MYO10: variants seen among roughly 807,000 people sequenced by gnomAD.
MYO10 encodes the protein myosin X, also known as unconventional myosin-X.
Under a neutral mutation model 257.3 loss-of-function variants are expected in MYO10, and 133 were observed. That is an observed-to-expected ratio of 0.52 (90% CI 0.45 to 0.60). The LOEUF is 0.60. Ranked by LOEUF, MYO10 falls within the 20% of genes least tolerant of loss-of-function variation. The probability of loss-of-function intolerance (pLI) is 0.00; values close to 1 mark genes in which losing one functional copy is unlikely to be tolerated. For synonymous variants in MYO10, 1,104 were observed against 1,028.6 expected, an observed-to-expected ratio of 1.07 and a Z score of -1.40; for missense variants, 2,399 against 2,635.7, an observed-to-expected ratio of 0.91 and a Z score of 1.97.
intron 22 of MYO10, among the ~76,000 whole-genome samples, chr5:16,703,416 G>A (rs963982279): frequency 6.6e-6 from 1 of 152,182 alleles, no homozygotes; most frequent in African/African-American, 2.4e-5. Context: ...CCTCATGTTG[G>A]CTTTAAGTAG....
intron 28 of MYO10, among the ~76,000 whole-genome samples, chr5:16,688,807 C>A (rs1241343646): frequency 1.3e-5 from 2 of 151,912 alleles, no homozygotes; most frequent in African/African-American, 4.8e-5. Flanking sequence ...CATAACCCTG[C>A]AGACTCACAA....
chr5:16,869,161 A>T (rs1342236369), intron 2 of MYO10, among the ~76,000 whole-genome samples: 1 of 149,166 alleles, frequency 6.7e-6, no homozygotes. Context: ...AGTAGCTGGG[A>T]CTACAGGCAC....
At chr5:16,742,668 A>C (rs201909935) in intron 19 of MYO10, among the ~76,000 whole-genome samples, 1 of 151,964 alleles carries the variant, frequency 6.6e-6, no homozygotes, top group East Asian at 1.9e-4. Context: ...AAAATTAGCC[A>C]GGCATGGTGG....
At position 16,789,468 on chromosome 5, in the gene MYO10, T is replaced by A. The variant is rs545817354; in HGVS notation, c.467+5178A>T. 3.3e-5 allele frequency among the ~76,000 whole-genome samples: 5 copies of A among 152,302 alleles called. No individual in the cohort carries two copies. In the East Asian group the frequency reaches 9.7e-4, roughly 29 times the overall value. ...CTTAGCAAGCCAAACAAAGCCCTTTTGTTTGGAAGCTGTACCAGAAAGTAG... is the reference window on the plus strand; with the variant it reads ...CTTAGCAAGCCAAACAAAGCCCTTTAGTTTGGAAGCTGTACCAGAAAGTAG... On this transcript the variant is annotated intron_variant, in intron 4 of 40. Coordinates refer to ENST00000513610, the MANE Select transcript of MYO10 (RefSeq NM_012334.3).
intron 19 of MYO10, among the ~76,000 whole-genome samples, chr5:16,734,008 C>T (rs372963627): frequency 5.0e-4 from 76 of 152,004 alleles, no homozygotes; most frequent in African/African-American, 1.8e-3. Flanking sequence ...GGCAGCCTGA[C>T]GCTTTCTCTA....
chr5:16,807,016 A>G (rs1742297185), intron 3 of MYO10, among the ~76,000 whole-genome samples: 2 of 152,214 alleles, frequency 1.3e-5, no homozygotes, highest in African/African-American at 4.8e-5. Flanking sequence ...TAGAAGATAC[A>G]ATTTGAAATG....
intron 1 of MYO10, among the ~76,000 whole-genome samples, chr5:16,889,489 AG>A: frequency 2.2e-5 from 1 of 45,746 alleles, no homozygotes; most frequent in South Asian, 5.4e-4. Context: ...GAAGGAAGGA[AG>A]GAAGGAAGGA....
At chr5:16,750,629 A>C (rs1007430213) in intron 19 of MYO10, among the ~76,000 whole-genome samples, 3 of 152,140 alleles carry the variant, frequency 2.0e-5, no homozygotes, top group East Asian at 3.9e-4. Flanking sequence ...TGTTGTTCCA[A>C]TGCTACAGGT....
At chr5:16,755,147 T>C (rs1319864359) in intron 18 of MYO10, among the ~76,000 whole-genome samples, 4 of 152,346 alleles carry the variant, frequency 2.6e-5, no homozygotes, top group African/African-American at 9.6e-5. Flanking sequence ...TCCTTTGAAA[T>C]AGTAAAATTC....
At chr5:16,874,228 G>A (rs1002560355) in intron 2 of MYO10, among the ~76,000 whole-genome samples, 2 of 151,434 alleles carry the variant, frequency 1.3e-5, no homozygotes, top group Non-Finnish European at 2.9e-5. Context: ...CAGCTACTCA[G>A]GAGGCTGAGG....
At chr5:16,729,316 G>A (rs904574333) in intron 19 of MYO10, among the ~76,000 whole-genome samples, 10 of 152,122 alleles carry the variant, frequency 6.6e-5, no homozygotes, top group African/African-American at 2.4e-4. Flanking sequence ...ACTACCACAA[G>A]TCTAAAACGT....
chr5:16,864,037 G>A (rs1744176281), intron 2 of MYO10, among the ~76,000 whole-genome samples: 2 of 152,154 alleles, frequency 1.3e-5, no homozygotes, highest in Admixed American at 1.3e-4. Context: ...GGCGGAGGTT[G>A]CAGCGAGCCA....
rs968407958 is a variant in MYO10 at position 16,712,107 on chromosome 5, A to AGGTGGG, written c.1930-868_1930-863dup. Among the ~76,000 whole-genome samples, 3 of 2,328 alleles carry AGGTGGG rather than the reference A, an allele frequency of 1.3e-3. No individual in the cohort carries two copies. In the Admixed American group the frequency reaches 0.017, roughly 13 times the overall value. 1.5% of individuals were successfully genotyped at this position (2,328 alleles called of 152,430 possible). A position where few individuals can be genotyped will look rare whatever the true frequency, so the allele number is the denominator to read the frequency against. On this transcript the variant is annotated intron_variant, in intron 19 of 40. Coordinates refer to ENST00000513610, the MANE Select transcript of MYO10 (RefSeq NM_012334.3). ...GTGGATACCCACACTGTGGCAGGTG[A>AGGTGGG]GGTGGGGGTGGGGGTGGGGATGGGG...
In MYO10 at chr5:16,689,838, G is replaced by A. The variant is rs767405265; in HGVS notation, c.3882C>T (p.Ser1294=). The change falls in exon 28 of 41, where the codon TCC becomes TCT. Residue 1294 remains serine, a synonymous_variant. Coordinates refer to ENST00000513610, the MANE Select transcript of MYO10 (RefSeq NM_012334.3). The part of the protein sequence containing the change: ...ADRTFHLIAE[S]PEDASQWFSV... ...CGCAGACTCACCTGGCATCTTCTGG[G>A]GACTCTGCAATCAGGTGGAAAGTCC... 2.5e-6 allele frequency: 4 copies of A among 1,612,728 alleles called. No homozygotes were observed. The highest frequency in any genetic ancestry group is 4.5e-5 in the East Asian group (2 of 44,870).
chr5:16,899,280 T>C lies in MYO10; in HGVS notation c.22-21573A>G, dbSNP rs148849196. On this transcript the variant is annotated intron_variant, in intron 1 of 40. Transcript: ENST00000513610. ...ACCAACCTGCCTCATCCTAATCTAC[T>C]TTACTTCAACATTCACCTGAGGAGA... is the stretch of plus-strand genomic sequence containing the variant. 5.6e-3 allele frequency among the ~76,000 whole-genome samples: 849 copies of C among 152,244 alleles called. 10 individuals are homozygous for C. The highest frequency in any genetic ancestry group is 0.02 in the African/African-American group (812 of 41,536).
At chr5:16,867,029 GA>G (rs975451394) in intron 2 of MYO10, among the ~76,000 whole-genome samples, 35 of 152,350 alleles carry the variant, frequency 2.3e-4, no homozygotes, top group Middle Eastern at 3.4e-3. Flanking sequence ...AGTTCACAGT[GA>G]GCAGTGGGAC....
chr5:16,817,703 C>A (rs147488699), intron 3 of MYO10, among the ~76,000 whole-genome samples: 1 of 152,298 alleles, frequency 6.6e-6, no homozygotes, highest in African/African-American at 2.4e-5. Flanking sequence ...TCCATGACTT[C>A]TTTCCGTGGC....
chr5:16,731,044 C>CTTTTTT (rs907400094), intron 19 of MYO10, among the ~76,000 whole-genome samples: 6 of 136,938 alleles, frequency 4.4e-5, no homozygotes, highest in Middle Eastern at 3.8e-3. Flanking sequence ...TCAAAACACA[C>CTTTTTT]TTTTTTTTTT....
chr5:16,724,093 A>G (rs1739261230), intron 19 of MYO10, among the ~76,000 whole-genome samples: 1 of 152,250 alleles, frequency 6.6e-6, no homozygotes, highest in South Asian at 2.1e-4. Context: ...TGGGGAAACC[A>G]AGAAATAATG....
Sources: gnomAD v4.1 joint callset for allele counts (sites outside exome capture counted in the v4.1 genomes callset) on GRCh38, gnomAD v4.1.1 for gene constraint, MANE v1.5 for transcripts, NCBI Gene and HGNC (gene_info 2026-07-23, HGNC 2026-07-21) for gene names.